RPS6KC1: variants seen among roughly 807,000 people sequenced by gnomAD.
RPS6KC1 encodes the protein ribosomal protein S6 kinase C1, also known as inactive ribosomal protein S6 kinase delta-1.
A neutral mutation model predicts 103.8 loss-of-function variants in RPS6KC1; 54 were observed. The observed-to-expected ratio is 0.52, with a 90% confidence interval of 0.42 to 0.65. The LOEUF is 0.65. RPS6KC1 is among the 30% of genes least tolerant of loss of function. RPS6KC1 has a pLI of 0.00. For missense variants in RPS6KC1, 1,151 were observed against 1,253.8 expected (o/e 0.92, Z 1.24); for synonymous variants, 439 against 438.7 (o/e 1.00, Z -0.01).
At chr1:213,107,787 C>T (rs893133506) in intron 4 of RPS6KC1, among the ~76,000 whole-genome samples, 6 of 152,164 alleles carry the variant, frequency 3.9e-5, no homozygotes, top group African/African-American at 1.4e-4. Flanking sequence ...CACAACCTCA[C>T]CAACACTTGG....
chr1:213,352,175 T>A, the RPS6KC1 span, among the ~76,000 whole-genome samples: 2 of 152,106 alleles, frequency 1.3e-5, no homozygotes, highest in East Asian at 3.9e-4. Flanking sequence ...TAACTGCAGG[T>A]GCAAGAAAAA....
At chr1:213,525,705 G>A in the RPS6KC1 span, among the ~76,000 whole-genome samples, 17 of 152,262 alleles carry the variant, frequency 1.1e-4, no homozygotes, top group South Asian at 2.3e-3. Flanking sequence ...ATGAAGCAAG[G>A]GTTTCATGGC....
chr1:213,405,464 C>T, the RPS6KC1 span, among the ~76,000 whole-genome samples: 2 of 152,198 alleles, frequency 1.3e-5, no homozygotes, highest in Admixed American at 1.3e-4. Flanking sequence ...TCACCAGCAT[C>T]TCTGAGGACA....
At chr1:213,802,426 T>G in the RPS6KC1 span, among the ~76,000 whole-genome samples, 1 of 152,202 alleles carries the variant, frequency 6.6e-6, no homozygotes, top group Non-Finnish European at 1.5e-5. Flanking sequence ...ATGGTAAAGA[T>G]TCTCAGTACC....
chr1:213,225,396 C>CT (rs560741294), intron 8 of RPS6KC1, among the ~76,000 whole-genome samples: 47 of 147,756 alleles, frequency 3.2e-4, no homozygotes, highest in Middle Eastern at 3.5e-3. Context: ...TCTTAATTTG[C>CT]TTTTTTTTTT....
chr1:213,352,714 A>C, the RPS6KC1 span, among the ~76,000 whole-genome samples: 1 of 152,350 alleles, frequency 6.6e-6, no homozygotes, highest in South Asian at 2.1e-4. Context: ...GTTGTGTTTG[A>C]CTATAGGGTC....
the RPS6KC1 span, among the ~76,000 whole-genome samples, chr1:213,419,006 G>C: frequency 6.6e-6 from 1 of 152,226 alleles, no homozygotes; most frequent in African/African-American, 2.4e-5. Context: ...TTGAGCCCAA[G>C]CTCCCAGTTC....
At chr1:213,228,579 T>C (rs891059644) in intron 8 of RPS6KC1, among the ~76,000 whole-genome samples, 1 of 151,538 alleles carries the variant, frequency 6.6e-6, no homozygotes, top group African/African-American at 2.4e-5. Context: ...AAAAAAATTA[T>C]CCAGGCATGG....
chr1:213,520,203 A>G, the RPS6KC1 span, among the ~76,000 whole-genome samples: 9 of 152,212 alleles, frequency 5.9e-5, no homozygotes, highest in Non-Finnish European at 1.0e-4. Flanking sequence ...TAAAGAGAAG[A>G]GGTTTAATGG....
chr1:213,828,516 A>T, the RPS6KC1 span, among the ~76,000 whole-genome samples: 1 of 152,194 alleles, frequency 6.6e-6, no homozygotes, highest in African/African-American at 2.4e-5. Context: ...CAGAAACCGG[A>T]TTGAACTTCC....
chr1:213,630,407 T>C, the RPS6KC1 span, among the ~76,000 whole-genome samples: 17 of 152,252 alleles, frequency 1.1e-4, no homozygotes, highest in African/African-American at 4.1e-4. Flanking sequence ...ATGTAGTTCT[T>C]GTGCCTTGGT....
downstream of RPS6KC1, among the ~76,000 whole-genome samples, chr1:213,277,232 C>T: frequency 6.6e-6 from 1 of 152,338 alleles, no homozygotes; most frequent in Middle Eastern, 3.4e-3. Context: ...GACTCAGCAT[C>T]ACTTACTCTC....
At chr1:213,585,869 TC>T in the RPS6KC1 span, among the ~76,000 whole-genome samples, 1 of 152,118 alleles carries the variant, frequency 6.6e-6, no homozygotes, top group Non-Finnish European at 1.5e-5. Context: ...AGGATGATCT[TC>T]AGATAAGGGC....
At chr1:213,106,013 T>A (rs1206816083) in intron 4 of RPS6KC1, among the ~76,000 whole-genome samples, 2 of 152,244 alleles carry the variant, frequency 1.3e-5, no homozygotes, top group African/African-American at 4.8e-5. Context: ...TCATTGTATT[T>A]CTTCTGGATA....
At chr1:213,514,671 A>G in the RPS6KC1 span, among the ~76,000 whole-genome samples, 5 of 152,104 alleles carry the variant, frequency 3.3e-5, no homozygotes, top group South Asian at 6.3e-4. Context: ...GCTATTGTGA[A>G]TAGTGCCGCA....
At chr1:213,145,398 G>T (rs1456363218) in intron 6 of RPS6KC1, among the ~76,000 whole-genome samples, 1 of 152,096 alleles carries the variant, frequency 6.6e-6, no homozygotes, top group African/African-American at 2.4e-5. Context: ...ACGATATTTA[G>T]AATTATTGCC....
chr1:213,147,664 A>T (rs1269203744), intron 6 of RPS6KC1, among the ~76,000 whole-genome samples: 1 of 152,062 alleles, frequency 6.6e-6, no homozygotes, highest in Non-Finnish European at 1.5e-5. Flanking sequence ...GCTTAGGATC[A>T]CTTTGGCTAT....
the RPS6KC1 span, among the ~76,000 whole-genome samples, chr1:213,429,724 A>G: frequency 2.0e-5 from 3 of 152,132 alleles, no homozygotes; most frequent in South Asian, 4.1e-4. Context: ...TATCCCTCCT[A>G]TTGCATTTTA....
chr1:213,494,822 G>C, the RPS6KC1 span, among the ~76,000 whole-genome samples: 3 of 151,668 alleles, frequency 2.0e-5, no homozygotes, highest in Non-Finnish European at 2.9e-5. Flanking sequence ...ATATTGTAAA[G>C]GCTGACTATT....
Sources: gnomAD v4.1 joint callset for allele counts (sites outside exome capture counted in the v4.1 genomes callset) on GRCh38, gnomAD v4.1.1 for gene constraint, MANE v1.5 for transcripts, NCBI Gene and HGNC (gene_info 2026-07-23, HGNC 2026-07-21) for gene names.